Variants in PDE1C observed in about 807,000 individuals in gnomAD.
PDE1C encodes phosphodiesterase 1C.
A neutral mutation model predicts 93.1 loss-of-function variants in PDE1C; 62 were observed. That is an observed-to-expected ratio of 0.67 (90% CI 0.54 to 0.82). PDE1C has a LOEUF of 0.82. Ranked by LOEUF, PDE1C falls within the 40% of genes least tolerant of loss-of-function variation. The pLI is 0.00. For synonymous variants in PDE1C, 325 were observed against 310.1 expected (o/e 1.05, Z -0.50); for missense variants, 742 against 884.6 (o/e 0.84, Z 2.04).
chr7:31,666,414 T>C, the PDE1C span, among the ~76,000 whole-genome samples: 19,011 of 152,224 alleles, frequency 0.12, 1,401 homozygotes, highest in Middle Eastern at 0.19. Context: ...TTAATGAGTT[T>C]AGTAACATTT....
At chr7:31,900,234 C>A (rs547143432) in intron 2 of PDE1C, among the ~76,000 whole-genome samples, 1 of 152,154 alleles carries the variant, frequency 6.6e-6, no homozygotes, top group Non-Finnish European at 1.5e-5. Flanking sequence ...ATTTCATATT[C>A]TCTCTCATCA....
chr7:31,865,166 T>G, intron 6 of PDE1C, 84 bp from the exon 7 acceptor site: 2 of 1,427,844 alleles, frequency 1.4e-6, no homozygotes, highest in Non-Finnish European at 2.0e-6. Flanking sequence ...CAGGACTGCT[T>G]TTTCTCTGAA....
chr7:32,234,840 T>A lies in PDE1C; in HGVS notation c.86-25301A>T, dbSNP rs1204320560. On this transcript the variant is annotated intron_variant, in intron 1 of 18. Coordinates refer to the PDE1C transcript ENST00000396193. ...AGAGAAAAACAACCACAAGCTAATG[T>A]CTTTCATGTACATAGATGTAAATAC... Among the ~76,000 whole-genome samples, 3 of 151,998 alleles carry A rather than the reference T, an allele frequency of 2.0e-5. No individual in the cohort carries two copies. The East Asian group carries it at 5.8e-4, about 29-fold the overall frequency.
At chr7:32,104,933 G>T (rs1798223105) in intron 3 of PDE1C, among the ~76,000 whole-genome samples, 1 of 152,028 alleles carries the variant, frequency 6.6e-6, no homozygotes, top group South Asian at 2.1e-4. Flanking sequence ...AACTCAATTT[G>T]GTTTTCCTCT....
At chr7:32,346,935 C>T (rs926381895) in intron 1 of PDE1C, among the ~76,000 whole-genome samples, 2 of 152,222 alleles carry the variant, frequency 1.3e-5, no homozygotes, top group African/African-American at 4.8e-5. Context: ...ACTGTAGGAA[C>T]AGGCATTGAG....
chr7:31,794,670 C>T (rs1260044237), intron 16 of PDE1C, among the ~76,000 whole-genome samples: 1 of 151,966 alleles, frequency 6.6e-6, no homozygotes, highest in East Asian at 1.9e-4. Flanking sequence ...AAAAGTCAGG[C>T]ATCAGTAACT....
intron 9 of PDE1C, among the ~76,000 whole-genome samples, chr7:31,839,266 A>T (rs1281967750): frequency 2.7e-5 from 4 of 150,750 alleles, no homozygotes; most frequent in Non-Finnish European, 3.0e-5. Context: ...ACATATATAC[A>T]CACATTATTT....
intron 2 of PDE1C, among the ~76,000 whole-genome samples, chr7:32,042,492 G>A (rs1163082836): frequency 3.3e-5 from 5 of 152,142 alleles, no homozygotes; most frequent in Admixed American, 6.5e-5. Flanking sequence ...GGATCATTGT[G>A]AAGATCAAAT....
chr7:31,925,211 G>A (rs759273314), intron 2 of PDE1C, among the ~76,000 whole-genome samples: 1 of 151,928 alleles, frequency 6.6e-6, no homozygotes, highest in Non-Finnish European at 1.5e-5. Context: ...AAAGGATAAA[G>A]GTTTCTCTCA....
At chr7:32,008,336 C>A (rs1027994584) in intron 2 of PDE1C, among the ~76,000 whole-genome samples, 6 of 152,188 alleles carry the variant, frequency 3.9e-5, no homozygotes, top group Non-Finnish European at 7.3e-5. Flanking sequence ...GATGCTACTT[C>A]TAGGCTTGAC....
chr7:32,064,020 T>C (rs17160851), intron 1 of PDE1C, among the ~76,000 whole-genome samples: 11 of 152,278 alleles, frequency 7.2e-5, no homozygotes, highest in African/African-American at 7.2e-5. Flanking sequence ...GCAATTCCAA[T>C]TGAATGGGAG....
chr7:32,066,025 C>T (rs1795358708), intron 1 of PDE1C, among the ~76,000 whole-genome samples: 2 of 152,214 alleles, frequency 1.3e-5, no homozygotes, highest in African/African-American at 4.8e-5. Context: ...AGCCTCACTG[C>T]CTCCTATCAT....
intron 1 of PDE1C, among the ~76,000 whole-genome samples, chr7:32,392,249 T>A (rs1784762980): frequency 6.6e-6 from 1 of 152,086 alleles, no homozygotes; most frequent in African/African-American, 2.4e-5. Context: ...TACAAAAACA[T>A]GTTAGAAAAT....
chr7:32,325,229 A>AAG (rs1269205622), intron 1 of PDE1C, among the ~76,000 whole-genome samples: 2 of 152,248 alleles, frequency 1.3e-5, no homozygotes, highest in Non-Finnish European at 2.9e-5. Context: ...CGTCACCCTG[A>AAG]AGAGAGCATC....
the PDE1C span, among the ~76,000 whole-genome samples, chr7:31,699,544 G>A: frequency 6.6e-6 from 1 of 152,100 alleles, no homozygotes; most frequent in Non-Finnish European, 1.5e-5. Flanking sequence ...ATTGTTACAT[G>A]GTGATATTTC....
intron 1 of PDE1C, among the ~76,000 whole-genome samples, chr7:32,306,752 T>G (rs1381276758): frequency 6.6e-6 from 1 of 152,170 alleles, no homozygotes; most frequent in African/African-American, 2.4e-5. Flanking sequence ...TGGGGGAAAC[T>G]GGGGAACATA....
the PDE1C span, among the ~76,000 whole-genome samples, chr7:31,726,374 A>G: frequency 1.3e-5 from 2 of 152,144 alleles, no homozygotes; most frequent in African/African-American, 4.8e-5. Flanking sequence ...TACTCTTAAT[A>G]TTGTACTTTT....
intron 16 of PDE1C, among the ~76,000 whole-genome samples, chr7:31,807,944 T>A (rs1337181267): frequency 3.3e-5 from 5 of 150,386 alleles, no homozygotes; most frequent in African/African-American, 1.2e-4. Flanking sequence ...AAAAAAAAAA[T>A]TGCAGGTATG....
intron 2 of PDE1C, among the ~76,000 whole-genome samples, chr7:32,192,094 C>G (rs79744022): frequency 6.6e-6 from 1 of 151,984 alleles, no homozygotes; most frequent in Non-Finnish European, 1.5e-5. Flanking sequence ...TTTGAGAATT[C>G]TTTATACATT....
Sources: gnomAD v4.1 joint callset for allele counts (sites outside exome capture counted in the v4.1 genomes callset) on GRCh38, gnomAD v4.1.1 for gene constraint, MANE v1.5 for transcripts, NCBI Gene and HGNC (gene_info 2026-07-23, HGNC 2026-07-21) for gene names.